TFPI: variants seen among roughly 807,000 people sequenced by gnomAD.
TFPI encodes the protein tissue factor pathway inhibitor.
TFPI carries 15 observed loss-of-function variants against 34.6 expected under a neutral mutation model. The observed-to-expected ratio is 0.43, with a 90% CI of 0.29 to 0.67. The LOEUF is 0.67. Among genes scored for constraint, TFPI ranks in the 30% least tolerant of loss-of-function variants. The probability of loss-of-function intolerance (pLI) is 0.15; values close to 1 mark genes in which losing one functional copy is unlikely to be tolerated. For synonymous variants in TFPI, 105 were observed against 120.1 expected, an observed-to-expected ratio of 0.87 and a Z score of 0.82; for missense variants, 301 against 364.0, an observed-to-expected ratio of 0.83 and a Z score of 1.41.
In TFPI at chr2:187,467,948, A is replaced by C; in HGVS notation, c.629-16T>G. 1 of 1,557,458 alleles carries C rather than the reference A, an allele frequency of 6.4e-7. No individual in the cohort carries two copies. Among genetic ancestry groups the C allele is most frequent in the Non-Finnish European group, 8.7e-7 (1 of 1,153,938 alleles). ...CCGTGAAATTCTAAAAACAATCAGGAAAACATGGTAAGCCATATGTGATAG... is the reference window on the plus strand; with the variant it reads ...CCGTGAAATTCTAAAAACAATCAGGCAAACATGGTAAGCCATATGTGATAG... On this transcript the variant is annotated splice_polypyrimidine_tract_variant and intron_variant, in intron 6 of 7. Coordinates refer to ENST00000233156, the MANE Select transcript of TFPI (RefSeq NM_006287.6).
chr2:187,509,164 T>C (rs1297605206), intron 1 of TFPI, among the ~76,000 whole-genome samples: 1 of 152,226 alleles, frequency 6.6e-6, no homozygotes, highest in Non-Finnish European at 1.5e-5. Flanking sequence ...TCGTGGTGGA[T>C]AAGCTTTTTG....
chr2:187,522,687 T>A (rs1483945096), intron 1 of TFPI, among the ~76,000 whole-genome samples: 1 of 138,554 alleles, frequency 7.2e-6, no homozygotes, highest in Non-Finnish European at 1.5e-5. Context: ...ATCAAGACCA[T>A]CCTGGCTAAC....
At position 187,503,731 on chromosome 2, in the gene TFPI, G is replaced by A. The variant is rs1275565228; in HGVS notation, c.38C>T (p.Ala13Val). 1 of 1,613,004 alleles carries A rather than the reference G, an allele frequency of 6.2e-7. No homozygotes were observed. Residue 13 changes from alanine (A) to valine (V), a missense_variant, in exon 2 of 8, where the codon GCT (alanine) becomes GTT (valine). Transcript: ENST00000233156. ...AAGATTAAGCAGCAGGCATACAGAA[G>A]CCCAAAGTGCATGTACTTTCTTCAT... The part of the protein sequence containing the change: ...YTMKKVHALW[A>V]SVCLLLNLAP...
intron 1 of TFPI, chr2:187,514,920 A>T (rs1182101889): frequency 6.6e-6 from 1 of 152,240 alleles, no homozygotes; most frequent in African/African-American, 2.4e-5. Context: ...TAGATTGGAT[A>T]AACTACATCT....
At chr2:187,485,068 G>A in intron 4 of TFPI, 81 bp from the exon 5 acceptor site, 6 of 1,102,612 alleles carry the variant, frequency 5.4e-6, no homozygotes, top group South Asian at 5.5e-5. Flanking sequence ...ATAAATACCT[G>A]GCTAAGTTAT....
At chr2:187,488,262 A>G (rs933173803) in intron 4 of TFPI, 75 bp downstream of exon 4, 2 of 1,277,706 alleles carry the variant, frequency 1.6e-6, no homozygotes, top group African/African-American at 1.5e-5. Flanking sequence ...AAAACAAACA[A>G]GCAAACAAAC....
intron 1 of TFPI, among the ~76,000 whole-genome samples, chr2:187,521,012 T>TAA (rs746894994): frequency 2.0e-5 from 3 of 152,018 alleles, no homozygotes; most frequent in Non-Finnish European, 4.4e-5. Flanking sequence ...GCCCCACTCT[T>TAA]ATAATCACAG....
At chr2:187,482,978 T>C (rs188937182) in intron 6 of TFPI, among the ~76,000 whole-genome samples, 1 of 152,116 alleles carries the variant, frequency 6.6e-6, no homozygotes, top group Admixed American at 6.6e-5. Context: ...AAATCCTCCT[T>C]GTGATTTCCA....
rs542938756 is a variant in TFPI, at chr2:187,521,713, C to T, written c.-2-17943G>A. Among the ~76,000 whole-genome samples, 5 of 152,042 alleles carry T rather than the reference C, an allele frequency of 3.3e-5. No individual in the cohort carries two copies. The South Asian group carries it at 6.2e-4, about 19-fold the overall frequency. The stretch of plus-strand genomic sequence containing the variant: ...CATCCCGAGTAGCTGGGATTACAGG[C>T]GCCTGCCACCATGCCTGGCTAATTT... On this transcript the variant is annotated intron_variant, in intron 1 of 7. Coordinates refer to ENST00000233156, the MANE Select transcript of TFPI (RefSeq NM_006287.6).
chr2:187,504,624 T>A (rs1050974798), intron 1 of TFPI, among the ~76,000 whole-genome samples: 1 of 151,808 alleles, frequency 6.6e-6, no homozygotes, highest in African/African-American at 2.4e-5. Context: ...AAAGACGACT[T>A]CTTCTTTGGA....
chr2:187,473,359 C>T (rs1318212341), intron 6 of TFPI, among the ~76,000 whole-genome samples: 2 of 151,872 alleles, frequency 1.3e-5, no homozygotes, highest in Non-Finnish European at 2.9e-5. Flanking sequence ...CTATATTGTT[C>T]GGGCTCCTCC....
chr2:187,526,464 G>T (rs1263550037), intron 1 of TFPI, among the ~76,000 whole-genome samples: 1 of 151,510 alleles, frequency 6.6e-6, no homozygotes, highest in African/African-American at 2.4e-5. Flanking sequence ...TTTATGGGAT[G>T]AAAAAAAAGA....
intron 1 of TFPI, among the ~76,000 whole-genome samples, chr2:187,550,934 C>G (rs925808841): frequency 3.3e-5 from 5 of 151,912 alleles, no homozygotes; most frequent in African/African-American, 1.2e-4. Context: ...AATTCAAGGA[C>G]TGGATAGAAA....
chr2:187,488,384 A>T lies in TFPI; in HGVS notation c.320-9T>A. On this transcript the variant is annotated splice_polypyrimidine_tract_variant and intron_variant, in intron 3 of 7. Transcript: ENST00000233156. Reference sequence around the variant, plus strand: ...AATCCTGTTTGCATTATCTGTAATCAAAAGAATATATGCATATCAATTGTC... The same window carrying T: ...AATCCTGTTTGCATTATCTGTAATCTAAAGAATATATGCATATCAATTGTC... 2.6e-6 allele frequency: 4 copies of T among 1,527,536 alleles called. No individual in the cohort carries two copies. In the South Asian group the frequency reaches 5.3e-5, roughly 20 times the overall value. 94.6% of individuals were successfully genotyped at this position (1,527,536 alleles called of 1,614,324 possible).
At chr2:187,526,580 T>G (rs1013121338) in intron 1 of TFPI, among the ~76,000 whole-genome samples, 1 of 152,176 alleles carries the variant, frequency 6.6e-6, no homozygotes, top group African/African-American at 2.4e-5. Flanking sequence ...CAGGCAGTTA[T>G]TGATCTGTTT....
intron 2 of TFPI, among the ~76,000 whole-genome samples, chr2:187,499,144 C>G (rs1302493056): frequency 6.6e-6 from 1 of 150,768 alleles, no homozygotes; most frequent in Non-Finnish European, 1.5e-5. Flanking sequence ...AATCCTTTAT[C>G]TAACATTTCA....
chr2:187,547,078 GC>G, intron 1 of TFPI: 1 of 151,720 alleles, frequency 6.6e-6, no homozygotes, highest in Middle Eastern at 3.4e-3. Context: ...CTCTGCCTAG[GC>G]AAATACATTG....
At chr2:187,492,557 C>G (rs571626711) in intron 3 of TFPI, among the ~76,000 whole-genome samples, 1 of 152,160 alleles carries the variant, frequency 6.6e-6, no homozygotes, top group Non-Finnish European at 1.5e-5. Context: ...GGAGGCTGTA[C>G]CCTGCAAAGT....
chr2:187,533,031 C>A (rs1269046757), intron 1 of TFPI, among the ~76,000 whole-genome samples: 1 of 152,162 alleles, frequency 6.6e-6, no homozygotes, highest in African/African-American at 2.4e-5. Flanking sequence ...CCTCTCTGGG[C>A]AGGGCATCTC....
Sources: allele counts gnomAD v4.1 joint callset (sites outside exome capture counted in the v4.1 genomes callset), GRCh38; gene constraint gnomAD v4.1.1; transcripts MANE v1.5; gene names NCBI Gene and HGNC (gene_info 2026-07-23, HGNC 2026-07-21).